BNIP5: variants seen among roughly 807,000 people sequenced by gnomAD.
The protein encoded by BNIP5 is BCL2 interacting protein 5.
In BNIP5, 61 loss-of-function variants were observed where a neutral mutation model predicts 67.3. The ratio of observed to expected loss-of-function variants is 0.91; its 90% confidence interval spans 0.74 to 1.12. The LOEUF is 1.12. BNIP5 is among the 50% of genes most tolerant of loss of function. The pLI is 0.00. For synonymous variants in BNIP5, 317 were observed against 319.0 expected (o/e 0.99, Z 0.07); for missense variants, 826 against 816.3 (o/e 1.01, Z -0.14).
chr6:36,320,037 C>T (rs957048218), intron 10 of BNIP5, among the ~76,000 whole-genome samples: 8 of 152,104 alleles, frequency 5.3e-5, no homozygotes, highest in Admixed American at 1.3e-4. Flanking sequence ...GATTGCTGGG[C>T]GGGGATTGGA....
chr6:36,336,477 C>T (rs12214673), intron 1 of BNIP5, among the ~76,000 whole-genome samples: 330 of 152,230 alleles, frequency 2.2e-3, no homozygotes, highest in Non-Finnish European at 3.8e-3. Flanking sequence ...AGCCCAGAGC[C>T]CTTTGAGAAA....
intron 1 of BNIP5, among the ~76,000 whole-genome samples, chr6:36,333,506 A>G (rs577077686): frequency 6.8e-4 from 103 of 152,322 alleles, no homozygotes; most frequent in African/African-American, 2.5e-3. Flanking sequence ...AGAGGAAAAT[A>G]TTTATGTTTG....
At chr6:36,335,890 G>A (rs1185596973) in intron 1 of BNIP5, among the ~76,000 whole-genome samples, 4 of 152,174 alleles carry the variant, frequency 2.6e-5, no homozygotes, top group African/African-American at 9.7e-5. Flanking sequence ...AGATACACAT[G>A]CACGCACTTA....
Position 36,323,644 on chromosome 6 carries a change from T to C in BNIP5, c.1231-111A>G, listed in dbSNP as rs543820553. The C allele has an allele frequency of 3.3e-5, 40 of 1,219,084 alleles. No homozygotes were observed. In the East Asian group the frequency reaches 4.0e-4, roughly 12 times the overall value. The allele number at this position is 1,219,084 out of a possible 1,614,324, so 75.5% of individuals were successfully genotyped here. A position where few individuals can be genotyped will look rare whatever the true frequency, so the allele number is the denominator to read the frequency against. ...CTAGCAGGCGTTGCCCAGAGAAGAG[T>C]GGTTGATGCTCAGTGCTGGGGAAAT... is the stretch of plus-strand genomic sequence containing the variant. On this transcript the variant is annotated intron_variant, in intron 7 of 11. Coordinates refer to ENST00000437635, the MANE Select transcript of BNIP5 (RefSeq NM_001010903.5).
intron 1 of BNIP5, among the ~76,000 whole-genome samples, chr6:36,331,856 C>T (rs1250655432): frequency 6.6e-6 from 1 of 152,048 alleles, no homozygotes; most frequent in African/African-American, 2.4e-5. Flanking sequence ...CCACATCGAC[C>T]CATCAGCAGA....
At chr6:36,332,197 C>G (rs1322371014) in intron 1 of BNIP5, among the ~76,000 whole-genome samples, 1 of 152,206 alleles carries the variant, frequency 6.6e-6, no homozygotes. Context: ...CCTTCAGGCC[C>G]GCCTGCCTCA....
At chr6:36,335,871 T>G (rs1281780215) in intron 1 of BNIP5, among the ~76,000 whole-genome samples, 1 of 152,226 alleles carries the variant, frequency 6.6e-6, no homozygotes, top group African/African-American at 2.4e-5. Flanking sequence ...AATGGCCTCA[T>G]GTAAGCATAG....
chr6:36,315,987 CCT>C lies in BNIP5; in HGVS notation c.*1367_*1368del, dbSNP rs1460345852. On this transcript the variant is annotated 3_prime_UTR_variant, in exon 12 of 12. Transcript: ENST00000437635. ...CTAAAACAAATCCACAAATAGCTCA[CCT>C]CTCCCCCACTTCTCAGAAGCAGCAA... The C allele has an allele frequency of 1.3e-5, 2 of 153,030 alleles. No homozygotes were observed. Among genetic ancestry groups the C allele is most frequent in the Non-Finnish European group, 2.9e-5 (2 of 68,364 alleles). 9.5% of individuals were successfully genotyped at this position (153,030 alleles called of 1,614,324 possible).
chr6:36,324,543 C>T (rs960777152), intron 6 of BNIP5, among the ~76,000 whole-genome samples: 1 of 115,926 alleles, frequency 8.6e-6, no homozygotes, highest in Non-Finnish European at 1.7e-5. Context: ...GGGCAGAGAT[C>T]TTTCCAGGTC....
chr6:36,329,989 C>T lies in BNIP5; in HGVS notation c.610+92G>A. The stretch of plus-strand genomic sequence containing the variant: ...CAGCGGTGCCGGCCCCTGACAGCTC[C>T]CCCGACTATCCCTGTCCCTCTGTGG... On this transcript the variant is annotated intron_variant, in intron 2 of 11. Transcript: ENST00000437635. The T allele has an allele frequency of 2.1e-6, 3 of 1,420,698 alleles. No homozygotes were observed. In the African/African-American group the frequency reaches 4.3e-5, roughly 20 times the overall value. The allele number at this position is 1,420,698 out of a possible 1,614,324, so 88.0% of individuals were successfully genotyped here. A position where few individuals can be genotyped will look rare whatever the true frequency, so the allele number is the denominator to read the frequency against.
At position 36,321,601 on chromosome 6, in the gene BNIP5, C is replaced by T. The variant is rs114496615; in HGVS notation, c.1604-382G>A. Among the ~76,000 whole-genome samples, 1,452 of 152,248 alleles carry T rather than the reference C, an allele frequency of 9.5e-3. 9 individuals are homozygous for T. Among genetic ancestry groups the T allele is most frequent in the African/African-American group, 0.029 (1,195 of 41,540 alleles). ...CATCAGAATGCAGGGAGGGGACATG[C>T]CAGGGCTACTGACCCATTAGGAATG... On this transcript the variant is annotated intron_variant, in intron 9 of 11. Transcript: ENST00000437635.
chr6:36,324,004 A>AG (rs1771696762), intron 7 of BNIP5, 125 bp downstream of exon 7: 1 of 709,576 alleles, frequency 1.4e-6, no homozygotes, highest in East Asian at 2.6e-5. Flanking sequence ...CGTCTCCAAA[A>AG]AAAAAAAAAA....
In BNIP5 at chr6:36,316,916, G is replaced by A. The variant is rs1771527302; in HGVS notation, c.*440C>T. 2.4e-6 allele frequency: 1 copy of A among 410,510 alleles called. No homozygotes were observed. The highest frequency in any genetic ancestry group is 2.0e-5 in the African/African-American group (1 of 48,942). 25.4% of individuals were successfully genotyped at this position (410,510 alleles called of 1,614,324 possible). ...ATGGGATACACTTCGATGCATATCTGTTTGGATGCATGTGGATGTTCTGTT... is the reference window on the plus strand; with the variant it reads ...ATGGGATACACTTCGATGCATATCTATTTGGATGCATGTGGATGTTCTGTT... On this transcript the variant is annotated 3_prime_UTR_variant, in exon 12 of 12. Transcript: ENST00000437635.
chr6:36,330,607 G>A lies in BNIP5; in HGVS notation c.84C>T (p.Gly28=). 6.2e-7 allele frequency: 1 copy of A among 1,611,302 alleles called. No individual in the cohort carries two copies. The highest frequency in any genetic ancestry group is 8.5e-7 in the Non-Finnish European group (1 of 1,179,998). ...GCCAATGGCAGTCCCACGACTCCGA[G>A]CCTTTCCCGGGGGCCTGCGGCCTGT... is the stretch of plus-strand genomic sequence containing the variant. The part of the protein sequence containing the change: ...SLDRPQAPGK[G]SESWDCHWLS... Residue 28 remains glycine (G), a synonymous_variant, in exon 2 of 12, where the codon GGC becomes GGT. Transcript: ENST00000437635.
intron 7 of BNIP5, 148 bp from the exon 8 acceptor site, chr6:36,323,681 G>A: frequency 1.1e-6 from 1 of 903,156 alleles, no homozygotes; most frequent in Non-Finnish European, 1.7e-6. Flanking sequence ...TGTGTGGTCT[G>A]GAGGGGGCTG....
chr6:36,327,591 T>G (rs1049697133), intron 3 of BNIP5, among the ~76,000 whole-genome samples: 9 of 152,196 alleles, frequency 5.9e-5, no homozygotes, highest in Admixed American at 5.9e-4. Flanking sequence ...CTGGGCTAAC[T>G]AAGGTGGAGG....
At chr6:36,323,086 G>A (rs1299099091) in intron 8 of BNIP5, among the ~76,000 whole-genome samples, 1 of 152,216 alleles carries the variant, frequency 6.6e-6, no homozygotes, top group Non-Finnish European at 1.5e-5. Context: ...AGGGCCTACT[G>A]GGGGTGGGGT....
At position 36,317,487 on chromosome 6, in the gene BNIP5, C is replaced by T. The variant is rs9470252; in HGVS notation, c.1924-96G>A. ...GACTTCCCATTATCCCATTGACACCCCACCCCAGCCTCCATCTCTGGGTCT... is the reference window on the plus strand; with the variant it reads ...GACTTCCCATTATCCCATTGACACCTCACCCCAGCCTCCATCTCTGGGTCT... On this transcript the variant is annotated intron_variant, in intron 11 of 11. Coordinates refer to ENST00000437635, the MANE Select transcript of BNIP5 (RefSeq NM_001010903.5). The T allele has an allele frequency of 1.5e-4, 154 of 1,030,410 alleles. No individual in the cohort carries two copies. In the African/African-American group the frequency reaches 2.3e-3, roughly 15 times the overall value. The allele number at this position is 1,030,410 out of a possible 1,614,324, so 63.8% of individuals were successfully genotyped here.
At position 36,327,068 on chromosome 6, in the gene BNIP5, C is replaced by T. The variant is rs1771781397; in HGVS notation, c.754G>A (p.Glu252Lys). 3 of 1,614,048 alleles carry T rather than the reference C, an allele frequency of 1.9e-6. No individual in the cohort carries two copies. Among genetic ancestry groups the T allele is most frequent in the Admixed American group, 3.3e-5 (2 of 60,016 alleles). Residue 252 changes from glutamate to lysine, a missense_variant, in exon 4 of 12, where the codon GAA becomes AAA. Coordinates refer to ENST00000437635, the MANE Select transcript of BNIP5 (RefSeq NM_001010903.5). Reference protein sequence around the residue: ...DQDAIIQMIVELLKRVGDQWE... With the variant: ...DQDAIIQMIVKLLKRVGDQWE... Reference sequence around the variant, plus strand: ...TGGTCTCCCACTCTTTTGAGCAATTCCACTATCATCTGAATGATAGCATCC... The same window carrying T: ...TGGTCTCCCACTCTTTTGAGCAATTTCACTATCATCTGAATGATAGCATCC...
Sources: gnomAD v4.1 joint callset for allele counts (sites outside exome capture counted in the v4.1 genomes callset) on GRCh38, gnomAD v4.1.1 for gene constraint, MANE v1.5 for transcripts, NCBI Gene and HGNC (gene_info 2026-07-23, HGNC 2026-07-21) for gene names.